The following JAKMIP2 variants were observed in gnomAD, a reference collection of about 807,000 sequenced individuals.
JAKMIP2 encodes the protein janus kinase and microtubule-interacting protein 2.
Under a neutral mutation model 115.0 loss-of-function variants are expected in JAKMIP2, and 25 were observed. That is an observed-to-expected ratio of 0.22 (90% CI 0.16 to 0.30). JAKMIP2 has a LOEUF of 0.30. Among genes scored for constraint, JAKMIP2 ranks in the 10% least tolerant of loss-of-function variants. JAKMIP2 has a pLI of 1.00. For missense variants in JAKMIP2, 642 were observed against 957.6 expected (o/e 0.67, Z 4.35); for synonymous variants, 334 against 343.6 (o/e 0.97, Z 0.31).
chr5:147,676,137 T>C (rs999248227), intron 1 of JAKMIP2, among the ~76,000 whole-genome samples: 4 of 152,046 alleles, frequency 2.6e-5, no homozygotes, highest in Admixed American at 6.6e-5. Context: ...ATCAAGACCA[T>C]GCTGGCTAAC....
intron 5 of JAKMIP2, among the ~76,000 whole-genome samples, chr5:147,647,096 G>A (rs73268177): frequency 0.013 from 1,956 of 151,824 alleles, 47 homozygotes; most frequent in African/African-American, 0.045. Context: ...TGTATGCTGA[G>A]GTCATAAAGC....
rs140912215 is a variant in JAKMIP2 at position 147,644,142 on chromosome 5, G to A, written c.1140C>T (p.Leu380=). Residue 380 remains leucine (L), a synonymous_variant, in exon 7 of 22, where the codon CTC becomes CTT. Transcript: ENST00000616793. ...PLKKLKSLND[L]DQANEEQETE... is the part of the protein sequence containing the mutation. ...TTTCTTGTTCTTCATTAGCTTGGTC[G>A]AGGTCATTCAGAGATTTTAATTTCT... 16 of 1,607,368 alleles carry A rather than the reference G, an allele frequency of 1.0e-5. No homozygotes were observed. In the East Asian group the frequency reaches 1.6e-4, roughly 16 times the overall value.
At chr5:147,697,206 A>C (rs1230526999) in intron 1 of JAKMIP2, among the ~76,000 whole-genome samples, 1 of 152,148 alleles carries the variant, frequency 6.6e-6, no homozygotes, top group Admixed American at 6.5e-5. Flanking sequence ...TCATGGCAGG[A>C]GGTGAAAGGC....
intron 1 of JAKMIP2, among the ~76,000 whole-genome samples, chr5:147,780,011 C>A (rs951532523): frequency 1.3e-5 from 2 of 152,102 alleles, no homozygotes; most frequent in Non-Finnish European, 2.9e-5. Flanking sequence ...CAAAAAATAG[C>A]AATAAGCAAT....
intron 20 of JAKMIP2, among the ~76,000 whole-genome samples, chr5:147,604,462 C>T (rs1755888114): frequency 6.6e-6 from 1 of 152,080 alleles, no homozygotes; most frequent in South Asian, 2.1e-4. Flanking sequence ...TACTTAAGGT[C>T]AAATGAGTAC....
intron 1 of JAKMIP2, among the ~76,000 whole-genome samples, chr5:147,689,677 G>A (rs1760740815): frequency 6.6e-6 from 1 of 152,174 alleles, no homozygotes. Flanking sequence ...ACTCTAAGCA[G>A]GGCATTGTGC....
At chr5:147,626,233 G>A (rs1193977721) in intron 16 of JAKMIP2, among the ~76,000 whole-genome samples, 1 of 152,210 alleles carries the variant, frequency 6.6e-6, no homozygotes. Context: ...AACAGACCAT[G>A]AGCACTTTAG....
intron 16 of JAKMIP2, among the ~76,000 whole-genome samples, chr5:147,624,879 C>T (rs2400345): frequency 0.062 from 9,365 of 152,152 alleles, 816 homozygotes; most frequent in African/African-American, 0.19. Context: ...ATGGGATTAA[C>T]AATAAGTAAA....
chr5:147,588,152 GTC>G lies in JAKMIP2; in HGVS notation c.*3553_*3554del, dbSNP rs532915553. 3 of 152,054 alleles carry G rather than the reference GTC, an allele frequency of 2.0e-5. No homozygotes were observed. Among genetic ancestry groups the G allele is most frequent in the Non-Finnish European group, 4.4e-5 (3 of 68,016 alleles). The allele number at this position is 152,054 out of a possible 1,614,324, so 9.4% of individuals were successfully genotyped here. A position where few individuals can be genotyped will look rare whatever the true frequency, so the allele number is the denominator to read the frequency against. The stretch of plus-strand genomic sequence containing the variant: ...TTTTTAAGTATGATAGTCAAAGATA[GTC>G]TCTCTATGTTTTTCCCCTCTTTCAT... On this transcript the variant is annotated 3_prime_UTR_variant, in exon 22 of 22. Coordinates refer to ENST00000616793, the MANE Select transcript of JAKMIP2 (RefSeq NM_001270941.2).
At chr5:147,619,184 A>G (rs1186610672) in intron 18 of JAKMIP2, among the ~76,000 whole-genome samples, 3 of 152,046 alleles carry the variant, frequency 2.0e-5, no homozygotes, top group Admixed American at 6.5e-5. Flanking sequence ...GGTGAGAAAT[A>G]TTTTCCTAGC....
At chr5:147,763,836 A>C (rs540418518) in intron 1 of JAKMIP2, among the ~76,000 whole-genome samples, 2 of 152,254 alleles carry the variant, frequency 1.3e-5, no homozygotes, top group South Asian at 4.1e-4. Context: ...AATAATCAAG[A>C]GTTGGTTATA....
At chr5:147,748,362 C>A (rs939149283) in intron 1 of JAKMIP2, among the ~76,000 whole-genome samples, 1 of 151,464 alleles carries the variant, frequency 6.6e-6, no homozygotes, top group Non-Finnish European at 1.5e-5. Flanking sequence ...TCACAATATG[C>A]TACAAGGTAG....
intron 7 of JAKMIP2, among the ~76,000 whole-genome samples, chr5:147,642,948 G>A (rs141101189): frequency 3.0e-4 from 46 of 152,152 alleles, no homozygotes; most frequent in Admixed American, 1.2e-3. Flanking sequence ...AGACTAGACT[G>A]GTTGAGTCTC....
chr5:147,598,975 T>C (rs1034067064), intron 21 of JAKMIP2, among the ~76,000 whole-genome samples: 3 of 152,214 alleles, frequency 2.0e-5, no homozygotes, highest in African/African-American at 7.2e-5. Context: ...AGTGATGTTT[T>C]ATTCCCTAAT....
intron 1 of JAKMIP2, among the ~76,000 whole-genome samples, chr5:147,778,516 C>T (rs1755647191): frequency 6.6e-6 from 1 of 152,026 alleles, no homozygotes; most frequent in Admixed American, 6.6e-5. Flanking sequence ...GTAGTTTGTG[C>T]TCATGAGACT....
chr5:147,721,712 G>C (rs1358476417), intron 1 of JAKMIP2, among the ~76,000 whole-genome samples: 1 of 151,788 alleles, frequency 6.6e-6, no homozygotes, highest in Non-Finnish European at 1.5e-5. Flanking sequence ...TTCGGCTCGC[G>C]CACGGTGCGC....
intron 9 of JAKMIP2, among the ~76,000 whole-genome samples, chr5:147,640,123 C>T (rs1328425734): frequency 6.6e-6 from 1 of 151,620 alleles, no homozygotes; most frequent in Non-Finnish European, 1.5e-5. Flanking sequence ...TTTCTTATTT[C>T]TTTTCAGTAT....
At chr5:147,718,724 A>T (rs972169126) in intron 1 of JAKMIP2, among the ~76,000 whole-genome samples, 19 of 151,902 alleles carry the variant, frequency 1.3e-4, no homozygotes, top group South Asian at 2.1e-4. Context: ...TGCGTCTATT[A>T]GATTCTTCTC....
intron 1 of JAKMIP2, among the ~76,000 whole-genome samples, chr5:147,726,588 T>C (rs907958607): frequency 3.3e-5 from 5 of 152,212 alleles, no homozygotes; most frequent in African/African-American, 1.2e-4. Flanking sequence ...GTGTACTTTG[T>C]GCTATAAATT....
Sources: allele counts gnomAD v4.1 joint callset (sites outside exome capture counted in the v4.1 genomes callset), GRCh38; gene constraint gnomAD v4.1.1; transcripts MANE v1.5; gene names NCBI Gene and HGNC (gene_info 2026-07-23, HGNC 2026-07-21).